The following ARRDC4 variants were observed in gnomAD, a reference collection of about 807,000 sequenced individuals.
The protein encoded by ARRDC4 is arrestin domain containing 4, also known as arrestin domain-containing protein 4.
Under a neutral mutation model 44.6 loss-of-function variants are expected in ARRDC4, and 40 were observed. The ratio of observed to expected loss-of-function variants is 0.90; its 90% CI spans 0.70 to 1.17. ARRDC4 has a LOEUF of 1.17. Among genes scored for constraint, ARRDC4 ranks in the 50% most tolerant of loss-of-function variants. ARRDC4 has a pLI of 0.00. For missense variants in ARRDC4, 550 were observed against 559.1 expected (o/e 0.98, Z 0.16); for synonymous variants, 211 against 221.2 (o/e 0.95, Z 0.41).
intron 1 of ARRDC4, among the ~76,000 whole-genome samples, chr15:97,961,927 A>G (rs143977876): frequency 6.6e-6 from 1 of 152,324 alleles, no homozygotes; most frequent in East Asian, 1.9e-4. Context: ...TTCACAGTGT[A>G]GACTTTTCCA....
In ARRDC4 at chr15:97,973,245, G is replaced by C. The variant is rs527560836; in HGVS notation, c.*2058G>C. 6.6e-6 allele frequency: 1 copy of C among 152,666 alleles called. No individual in the cohort carries two copies. Among genetic ancestry groups the C allele is most frequent in the African/African-American group, 2.4e-5 (1 of 41,560 alleles). The allele number at this position is 152,666 out of a possible 1,614,324, so 9.5% of individuals were successfully genotyped here. ...AAGTTTAATTATTTGGTTCCATCTA[G>C]AAAAGCAACAACTTAAAGGAATCCT... is the stretch of plus-strand genomic sequence containing the variant. On this transcript the variant is annotated 3_prime_UTR_variant, in exon 8 of 8. Transcript: ENST00000268042.
chr15:97,965,477 A>T lies in ARRDC4; in HGVS notation c.308-123A>T, dbSNP rs1018610259. 7.8e-6 allele frequency: 6 copies of T among 772,722 alleles called. No homozygotes were observed. Among genetic ancestry groups the T allele is most frequent in the Non-Finnish European group, 1.3e-5 (6 of 452,090 alleles). The allele number at this position is 772,722 out of a possible 1,614,324, so 47.9% of individuals were successfully genotyped here. A position where few individuals can be genotyped will look rare whatever the true frequency, so the allele number is the denominator to read the frequency against. On this transcript the variant is annotated intron_variant, in intron 1 of 7. Transcript: ENST00000268042. The surrounding 1 kb of genome is among the most constrained non-coding windows in gnomAD (Gnocchi z 5.1). ...CTTAATTCTCTACATTTGTTTAATG[A>T]ACTTTTGGAGTATGCTGCATTTTGT... is the stretch of plus-strand genomic sequence containing the variant.
chr15:97,969,254 A>T lies in ARRDC4; in HGVS notation c.757A>T (p.Asn253Tyr), dbSNP rs748517368. 7 of 1,613,988 alleles carry T rather than the reference A, an allele frequency of 4.3e-6. No individual in the cohort carries two copies. The highest frequency in any genetic ancestry group is 1.6e-4 in the Middle Eastern group (1 of 6,062). ...KTKTIRHMVA[N>Y]VRGNHIASGS... is the part of the protein sequence containing the mutation. ...AAAGACCATTCGACACATGGTCGCC[A>T]ATGTGCGAGGAAACCACATCGCTTC... The change falls in exon 5 of 8, where the codon AAT becomes TAT. Residue 253 changes from asparagine to tyrosine, a missense_variant. By Grantham distance (143) the Asn-to-Tyr change is moderately radical. Coordinates refer to ENST00000268042, the MANE Select transcript of ARRDC4 (RefSeq NM_183376.3).
rs760417789 is a variant in ARRDC4 at position 97,971,117 on chromosome 15, CTCT to C, written c.1201-12_1201-10del. The C allele has an allele frequency of 6.2e-7, 1 of 1,612,798 alleles. No individual in the cohort carries two copies. Among genetic ancestry groups the C allele is most frequent in the African/African-American group, 1.3e-5 (1 of 74,838 alleles). On this transcript the variant is annotated splice_polypyrimidine_tract_variant and intron_variant, in intron 7 of 7. Coordinates refer to ENST00000268042, the MANE Select transcript of ARRDC4 (RefSeq NM_183376.3). Reference sequence around the variant, plus strand: ...ATGCTACAACACTAATCTCAGTCCGCTCTTTTTTTGCAGGTTGACCCACATCCT... The same window carrying C: ...ATGCTACAACACTAATCTCAGTCCGCTTTTTTGCAGGTTGACCCACATCCT...
chr15:97,969,438 T>C (rs1461973350), intron 5 of ARRDC4, 59 bp downstream of exon 5: 2 of 1,578,238 alleles, frequency 1.3e-6, no homozygotes, highest in African/African-American at 2.7e-5. Flanking sequence ...TGATGTCATG[T>C]TACTGTGGGT....
intron 1 of ARRDC4, 43 bp downstream of exon 1, chr15:97,961,211 G>C: frequency 2.9e-6 from 4 of 1,357,140 alleles, no homozygotes; most frequent in Non-Finnish European, 3.8e-6. Flanking sequence ...CCAGGCTGCG[G>C]GGCCGGGGAG....
At chr15:97,964,993 T>TACAC (rs199604833) in intron 1 of ARRDC4, among the ~76,000 whole-genome samples, 164 of 136,052 alleles carry the variant, frequency 1.2e-3, no homozygotes, top group Non-Finnish European at 1.6e-3. Flanking sequence ...TTGTGATTTT[T>TACAC]ACATACACAC....
chr15:97,962,413 G>T (rs780974132), intron 1 of ARRDC4, among the ~76,000 whole-genome samples: 65 of 152,288 alleles, frequency 4.3e-4, no homozygotes, highest in Middle Eastern at 3.4e-3. Context: ...AATACAATTT[G>T]CAAGATGGCC....
At chr15:97,961,373 C>T (rs941381703) in intron 1 of ARRDC4, among the ~76,000 whole-genome samples, 18 of 152,176 alleles carry the variant, frequency 1.2e-4, no homozygotes, top group African/African-American at 4.1e-4. Context: ...CCTGGCCCGC[C>T]GGGCCTGACC....
At chr15:97,962,957 A>G (rs1899346803) in intron 1 of ARRDC4, among the ~76,000 whole-genome samples, 1 of 152,216 alleles carries the variant, frequency 6.6e-6, no homozygotes. Context: ...TGACATCCTT[A>G]ATCTAATTCA....
In ARRDC4 at chr15:97,969,207, C is replaced by T. The variant is rs1899466204; in HGVS notation, c.710C>T (p.Thr237Ile). Residue 237 changes from threonine (T) to isoleucine (I), a missense_variant, in exon 5 of 8, where the codon ACA becomes ATA. Transcript: ENST00000268042. ...VPKAAIFQTQTYLASGKTKTI... is the reference protein window; with the variant it reads ...VPKAAIFQTQIYLASGKTKTI... ...AAGGCTGCTATTTTCCAAACGCAGA[C>T]ATATTTGGCTAGTGGAAAAACAAAG... The T allele has an allele frequency of 6.2e-7, 1 of 1,613,748 alleles. No homozygotes were observed. Among genetic ancestry groups the T allele is most frequent in the African/African-American group, 1.3e-5 (1 of 74,892 alleles).
In ARRDC4 at chr15:97,965,259, T is replaced by C. The variant is rs79052799; in HGVS notation, c.308-341T>C. ...CAGCTTGGGCAATATAGCAAGACCC[T>C]CGTCTCTGGAAAGAATTATTAAAAA... On this transcript the variant is annotated intron_variant, in intron 1 of 7. Coordinates refer to ENST00000268042, the MANE Select transcript of ARRDC4 (RefSeq NM_183376.3). This position sits in a 1 kb window ranked among gnomAD's most constrained non-coding sequence, Gnocchi z 5.1. Among the ~76,000 whole-genome samples, 5,322 of 152,174 alleles carry C rather than the reference T, an allele frequency of 0.035. 157 individuals carry two copies. Among genetic ancestry groups the C allele is most frequent in the African/African-American group, 0.081 (3,370 of 41,478 alleles).
chr15:97,963,113 C>T lies in ARRDC4; in HGVS notation c.307+1945C>T, dbSNP rs1393624876. Reference sequence around the variant, plus strand: ...ATGCAAGTCCCTCACCCTTCCTGAGCCCCAGTCTCTGCCTCTGTAATGGTC... The same window carrying T: ...ATGCAAGTCCCTCACCCTTCCTGAGTCCCAGTCTCTGCCTCTGTAATGGTC... On this transcript the variant is annotated intron_variant, in intron 1 of 7. Transcript: ENST00000268042. 2.6e-5 allele frequency among the ~76,000 whole-genome samples: 4 copies of T among 152,194 alleles called. No individual in the cohort carries two copies. In the East Asian group the frequency reaches 7.7e-4, roughly 29 times the overall value.
intron 1 of ARRDC4, among the ~76,000 whole-genome samples, chr15:97,964,902 A>G (rs1899388445): frequency 6.6e-6 from 1 of 152,174 alleles, no homozygotes; most frequent in Non-Finnish European, 1.5e-5. Context: ...ACCCAAAATA[A>G]ATCTGTCTTT....
chr15:97,970,995 G>A lies in ARRDC4; in HGVS notation c.1201-136G>A. On this transcript the variant is annotated intron_variant, in intron 7 of 7. Coordinates refer to ENST00000268042, the MANE Select transcript of ARRDC4 (RefSeq NM_183376.3). This position sits in a 1 kb window ranked among gnomAD's most constrained non-coding sequence, Gnocchi z 4.2. ...GTGTGTTATTTGGCCATGGAATATA[G>A]AGAACTTAAGCACCTTCTGGGACTT... 2 of 1,025,730 alleles carry A rather than the reference G, an allele frequency of 1.9e-6. No homozygotes were observed. Among genetic ancestry groups the A allele is most frequent in the East Asian group, 4.8e-5 (2 of 42,066 alleles). The allele number at this position is 1,025,730 out of a possible 1,614,324, so 63.5% of individuals were successfully genotyped here.
At chr15:97,971,051 C>T (rs1041256604) in intron 7 of ARRDC4, 80 bp from the exon 8 acceptor site, 21 of 1,461,898 alleles carry the variant, frequency 1.4e-5, no homozygotes, top group Admixed American at 3.4e-5. Flanking sequence ...GGCATATAAC[C>T]ATCATATAAT....
intron 1 of ARRDC4, 27 bp downstream of exon 1, chr15:97,961,195 C>G: frequency 1.5e-6 from 2 of 1,377,452 alleles, no homozygotes; most frequent in Non-Finnish European, 1.9e-6. Context: ...GCCTGGGGTT[C>G]CCCCGCCAGG....
intron 1 of ARRDC4, among the ~76,000 whole-genome samples, chr15:97,962,540 A>C (rs1050164386): frequency 6.6e-6 from 1 of 152,218 alleles, no homozygotes; most frequent in Non-Finnish European, 1.5e-5. Context: ...AAGCAGTTGA[A>C]CCTGGGATTA....
chr15:97,967,437 T>C lies in ARRDC4; in HGVS notation c.523-577T>C, dbSNP rs1899436529. Among the ~76,000 whole-genome samples the C allele has an allele frequency of 6.6e-6, 1 of 151,938 alleles. No homozygotes were observed. The highest frequency in any genetic ancestry group is 2.4e-5 in the African/African-American group (1 of 41,242). On this transcript the variant is annotated intron_variant, in intron 3 of 7. Transcript: ENST00000268042. This position sits in a 1 kb window ranked among gnomAD's most constrained non-coding sequence, Gnocchi z 5.0. ...CAGTGAGAGGGTATGTTTAATAAGC[T>C]TTTCAGATCGGTTAACACTACACAT...
Sources: gnomAD v4.1 joint callset for allele counts (sites outside exome capture counted in the v4.1 genomes callset) on GRCh38, gnomAD v4.1.1 for gene constraint, Gnocchi (gnomAD v3.1) non-coding constraint, MANE v1.5 for transcripts, NCBI Gene and HGNC (gene_info 2026-07-23, HGNC 2026-07-21) for gene names.